SLC25A21: variants seen among roughly 807,000 people sequenced by gnomAD.
The protein encoded by SLC25A21 is mitochondrial 2-oxodicarboxylate carrier.
SLC25A21 carries 47 observed loss-of-function variants against 43.8 expected under a neutral mutation model. The observed-to-expected ratio is 1.07, with a 90% CI of 0.85 to 1.37. The LOEUF is 1.37. SLC25A21 is among the 40% of genes most tolerant of loss of function. SLC25A21 has a pLI of 0.00. For missense variants in SLC25A21, 352 were observed against 350.2 expected (o/e 1.00, Z -0.04); for synonymous variants, 131 against 121.3 (o/e 1.08, Z -0.52).
chr14:36,812,111 C>CA (rs1306353198), intron 3 of SLC25A21, among the ~76,000 whole-genome samples: 12 of 152,036 alleles, frequency 7.9e-5, no homozygotes, highest in Admixed American at 2.6e-4. Flanking sequence ...GTAAAGGACA[C>CA]AAAATAGGCA....
intron 1 of SLC25A21, among the ~76,000 whole-genome samples, chr14:36,952,795 G>T (rs886364573): frequency 6.6e-6 from 1 of 152,166 alleles, no homozygotes; most frequent in African/African-American, 2.4e-5. Flanking sequence ...GTCAGCAAGG[G>T]TGTGGCCTTG....
chr14:36,888,076 T>C (rs903454633), intron 1 of SLC25A21, among the ~76,000 whole-genome samples: 8 of 152,156 alleles, frequency 5.3e-5, no homozygotes, highest in African/African-American at 1.9e-4. Context: ...ATGCTATAAA[T>C]CACAGTTTTT....
chr14:37,044,559 A>G (rs1594767259), intron 1 of SLC25A21, among the ~76,000 whole-genome samples: 1 of 152,328 alleles, frequency 6.6e-6, no homozygotes, highest in East Asian at 1.9e-4. Flanking sequence ...TGAATGTACC[A>G]CAGGAACTTC....
chr14:37,022,150 A>T (rs1055021201), intron 1 of SLC25A21, among the ~76,000 whole-genome samples: 2 of 151,862 alleles, frequency 1.3e-5, no homozygotes, highest in African/African-American at 4.8e-5. Context: ...AATTTGAGAG[A>T]CTGCCATTAT....
At chr14:37,127,743 T>G (rs557233147) in intron 1 of SLC25A21, among the ~76,000 whole-genome samples, 1 of 152,174 alleles carries the variant, frequency 6.6e-6, no homozygotes, top group Non-Finnish European at 1.5e-5. Context: ...AACTAACATA[T>G]GGAAACCTCA....
chr14:36,954,432 G>A (rs1959279885), intron 1 of SLC25A21, among the ~76,000 whole-genome samples: 1 of 151,862 alleles, frequency 6.6e-6, no homozygotes, highest in Non-Finnish European at 1.5e-5. Flanking sequence ...CGTCCTTGCT[G>A]ATCTGACCCC....
chr14:36,879,112 TAA>T (rs1448557639), intron 1 of SLC25A21, among the ~76,000 whole-genome samples: 1 of 152,216 alleles, frequency 6.6e-6, no homozygotes, highest in Non-Finnish European at 1.5e-5. Flanking sequence ...ATTTTAGAGA[TAA>T]AATGTCTTCA....
At chr14:37,041,561 T>A (rs1961472946) in intron 1 of SLC25A21, among the ~76,000 whole-genome samples, 1 of 152,186 alleles carries the variant, frequency 6.6e-6, no homozygotes. Context: ...AGCACATAGA[T>A]GTGATCTATT....
chr14:36,962,500 A>G (rs1342855740), intron 1 of SLC25A21, among the ~76,000 whole-genome samples: 3 of 152,058 alleles, frequency 2.0e-5, no homozygotes, highest in Non-Finnish European at 4.4e-5. Context: ...GCCACCCCAT[A>G]GCCCCACCCC....
chr14:36,840,293 TG>T lies in SLC25A21; in HGVS notation c.120-26293del, dbSNP rs1376016739. Among the ~76,000 whole-genome samples the T allele has an allele frequency of 5.9e-5, 9 of 152,214 alleles. No homozygotes were observed. The East Asian group carries it at 7.7e-4, about 13-fold the overall frequency. ...AAACTCATATGAGTCAAGCCTTCAG[TG>T]TGAGTAGAGGGAAGAGACTTTTTCC... On this transcript the variant is annotated intron_variant, in intron 2 of 9. Coordinates refer to ENST00000331299, the MANE Select transcript of SLC25A21 (RefSeq NM_030631.4).
chr14:36,717,785 T>C (rs1380840703), intron 6 of SLC25A21, among the ~76,000 whole-genome samples: 1 of 152,242 alleles, frequency 6.6e-6, no homozygotes, highest in Non-Finnish European at 1.5e-5. Context: ...TCTATGTTAG[T>C]GTTCAGTTTC....
chr14:36,944,406 A>G (rs1892635994), intron 1 of SLC25A21, among the ~76,000 whole-genome samples: 1 of 152,164 alleles, frequency 6.6e-6, no homozygotes, highest in Non-Finnish European at 1.5e-5. Flanking sequence ...GGCATAGGGT[A>G]TCAAGGAAGG....
At chr14:36,805,806 A>C (rs1888019068) in intron 3 of SLC25A21, among the ~76,000 whole-genome samples, 1 of 152,138 alleles carries the variant, frequency 6.6e-6, no homozygotes, top group African/African-American at 2.4e-5. Context: ...TTGATGACTA[A>C]AAATTTATGA....
At chr14:37,080,974 T>G (rs1962376396) in intron 1 of SLC25A21, among the ~76,000 whole-genome samples, 1 of 152,206 alleles carries the variant, frequency 6.6e-6, no homozygotes, top group African/African-American at 2.4e-5. Context: ...GGTTATCGAC[T>G]ACCTCTATCT....
intron 1 of SLC25A21, among the ~76,000 whole-genome samples, chr14:36,985,339 G>A (rs1960123145): frequency 1.3e-5 from 2 of 151,890 alleles, no homozygotes; most frequent in African/African-American, 4.8e-5. Flanking sequence ...ATGTGCACAT[G>A]TACCCTAAAA....
At chr14:36,715,232 G>T (rs1220968369) in intron 6 of SLC25A21, among the ~76,000 whole-genome samples, 2 of 152,180 alleles carry the variant, frequency 1.3e-5, no homozygotes, top group African/African-American at 4.8e-5. Context: ...ATAAAAATAA[G>T]AAGTAATAGT....
chr14:36,747,843 T>G (rs1261743740), intron 3 of SLC25A21, among the ~76,000 whole-genome samples: 1 of 152,156 alleles, frequency 6.6e-6, no homozygotes, highest in Non-Finnish European at 1.5e-5. Flanking sequence ...GACCCGCGCA[T>G]TTTGAAGGTT....
intron 2 of SLC25A21, among the ~76,000 whole-genome samples, chr14:36,868,982 G>T (rs1890291784): frequency 6.6e-6 from 1 of 152,134 alleles, no homozygotes; most frequent in Non-Finnish European, 1.5e-5. Flanking sequence ...TCCCAGCAGG[G>T]TTATCAGGTC....
chr14:36,687,946 G>C (rs956065447), intron 7 of SLC25A21, among the ~76,000 whole-genome samples: 2 of 152,168 alleles, frequency 1.3e-5, no homozygotes, highest in Non-Finnish European at 2.9e-5. Context: ...TGGATGCGCA[G>C]AGAATAAAGA....
Sources: allele counts gnomAD v4.1 joint callset (sites outside exome capture counted in the v4.1 genomes callset), GRCh38; gene constraint gnomAD v4.1.1; transcripts MANE v1.5; gene names NCBI Gene and HGNC (gene_info 2026-07-23, HGNC 2026-07-21).